The following MAP3K9 variants were observed in gnomAD, a reference collection of about 807,000 sequenced individuals.
MAP3K9 encodes mitogen-activated protein kinase kinase kinase 9.
In MAP3K9, 46 loss-of-function variants were observed where a neutral mutation model predicts 95.8. That is an observed-to-expected ratio of 0.48 (90% CI 0.38 to 0.61). MAP3K9 has a LOEUF of 0.61. MAP3K9 is among the 20% of genes least tolerant of loss of function. The pLI is 0.00. For synonymous variants in MAP3K9, 533 were observed against 593.8 expected, an observed-to-expected ratio of 0.90 and a Z score of 1.49; for missense variants, 1,296 against 1,474.3, an observed-to-expected ratio of 0.88 and a Z score of 1.98.
intron 3 of MAP3K9, among the ~76,000 whole-genome samples, chr14:70,757,016 A>G (rs985927789): frequency 6.6e-5 from 10 of 152,228 alleles, no homozygotes; most frequent in African/African-American, 2.2e-4. Flanking sequence ...TATTTTAAGG[A>G]AAGTTAAACT....
At chr14:70,764,758 G>T (rs970807142) in intron 2 of MAP3K9, among the ~76,000 whole-genome samples, 2 of 152,046 alleles carry the variant, frequency 1.3e-5, no homozygotes, top group East Asian at 3.9e-4. Context: ...CTTGAGCCTG[G>T]GAAGTCAAAG....
chr14:70,744,334 A>G (rs2054117029), intron 5 of MAP3K9, among the ~76,000 whole-genome samples: 1 of 152,142 alleles, frequency 6.6e-6, no homozygotes, highest in African/African-American at 2.4e-5. Context: ...ACTTAAGAGT[A>G]TAATTAAAAA....
chr14:70,749,357 G>A (rs959785215), intron 4 of MAP3K9, among the ~76,000 whole-genome samples: 5 of 152,190 alleles, frequency 3.3e-5, no homozygotes, highest in African/African-American at 1.2e-4. Context: ...GGGGAATTAT[G>A]CCCTGGGCTT....
In MAP3K9 at chr14:70,722,627, A is replaced by C. The variant is rs1204921471; in HGVS notation, c.*7753T>G. 6.6e-6 allele frequency: 1 copy of C among 152,064 alleles called. No individual in the cohort carries two copies. Among genetic ancestry groups the C allele is most frequent in the Non-Finnish European group, 1.5e-5 (1 of 67,986 alleles). 9.4% of individuals were successfully genotyped at this position (152,064 alleles called of 1,614,324 possible). On this transcript the variant is annotated 3_prime_UTR_variant, in exon 12 of 12. Coordinates refer to ENST00000554752, the MANE Select transcript of MAP3K9 (RefSeq NM_001284230.2). ...AATACAATAAGAGGTTTAGCCATTG[A>C]ACCAAGCCTGCTTGGCATCCCTAGT...
intron 2 of MAP3K9, chr14:70,783,301 A>C: frequency 2.1e-6 from 2 of 974,122 alleles, no homozygotes; most frequent in South Asian, 9.5e-5. Flanking sequence ...GTAAATTCAA[A>C]TTAGTCTGAC....
intron 5 of MAP3K9, among the ~76,000 whole-genome samples, chr14:70,747,579 A>C (rs1385116309): frequency 1.3e-5 from 2 of 152,214 alleles, no homozygotes; most frequent in African/African-American, 2.4e-5. Flanking sequence ...CCCACATTCA[A>C]GATTCTGCTT....
chr14:70,780,843 A>G (rs1397616310), intron 2 of MAP3K9, among the ~76,000 whole-genome samples: 3 of 152,252 alleles, frequency 2.0e-5, no homozygotes, highest in Non-Finnish European at 4.4e-5. Context: ...CCAGATAAAA[A>G]TAACCAAAAA....
Position 70,725,915 on chromosome 14 carries a change from G to A in MAP3K9, c.*4465C>T, listed in dbSNP as rs1266364306. 1 of 152,204 alleles carries A rather than the reference G, an allele frequency of 6.6e-6. No individual in the cohort carries two copies. The highest frequency in any genetic ancestry group is 1.9e-4 in the East Asian group (1 of 5,194). The allele number at this position is 152,204 out of a possible 1,614,324, so 9.4% of individuals were successfully genotyped here. A position where few individuals can be genotyped will look rare whatever the true frequency, so the allele number is the denominator to read the frequency against. ...TTTCTGTGCAGGACTCATGGCCCCA[G>A]GACCATACATTTGAAAGTTAGAAGG... On this transcript the variant is annotated 3_prime_UTR_variant, in exon 12 of 12. Transcript: ENST00000554752.
At chr14:70,805,583 TTTTC>T (rs1052432861) in intron 1 of MAP3K9, among the ~76,000 whole-genome samples, 2 of 152,214 alleles carry the variant, frequency 1.3e-5, no homozygotes, top group East Asian at 3.8e-4. Flanking sequence ...TTTTTATATG[TTTTC>T]TTTGTCATAA....
At chr14:70,788,069 A>G (rs1375022199) in intron 2 of MAP3K9, among the ~76,000 whole-genome samples, 1 of 152,228 alleles carries the variant, frequency 6.6e-6, no homozygotes, top group Non-Finnish European at 1.5e-5. Context: ...CTAAGAAGTA[A>G]ACTTAGGGTT....
In MAP3K9 at chr14:70,735,950, A is replaced by G. The variant is rs776678295; in HGVS notation, c.1913+11T>C. 1.6e-5 allele frequency: 25 copies of G among 1,597,634 alleles called. No individual in the cohort carries two copies. In the East Asian group the frequency reaches 5.4e-4, roughly 34 times the overall value. Reference sequence around the variant, plus strand: ...CAGGACAGCTGGTGAAAGGGTGAAGATGAGACTCACCCCAAGTGGAAATGT... The same window carrying G: ...CAGGACAGCTGGTGAAAGGGTGAAGGTGAGACTCACCCCAAGTGGAAATGT... On this transcript the variant is annotated intron_variant, in intron 9 of 11. Coordinates refer to ENST00000554752, the MANE Select transcript of MAP3K9 (RefSeq NM_001284230.2).
chr14:70,795,769 T>TC (rs1439786035), intron 2 of MAP3K9, among the ~76,000 whole-genome samples: 1 of 150,032 alleles, frequency 6.7e-6, no homozygotes, highest in Non-Finnish European at 1.5e-5. Flanking sequence ...TCTTTTTTCT[T>TC]TTTTTTTTTA....
chr14:70,771,344 G>A (rs559414474), intron 2 of MAP3K9, among the ~76,000 whole-genome samples: 1 of 152,224 alleles, frequency 6.6e-6, no homozygotes, highest in South Asian at 2.1e-4. Flanking sequence ...CTTTTCAAAG[G>A]CTTCCGGCTT....
At chr14:70,776,296 A>G (rs972004592) in intron 2 of MAP3K9, among the ~76,000 whole-genome samples, 1 of 152,228 alleles carries the variant, frequency 6.6e-6, no homozygotes, top group Non-Finnish European at 1.5e-5. Context: ...GGCAGGCAGC[A>G]TCTCCCCAGG....
rs757028316 is a variant in MAP3K9, at chr14:70,730,859, A to G, written c.2836T>C (p.Leu946=). ...TCTCGGCTGGGACTGGGGGTTTTCA[A>G]CATTCCTGGTCAAAAAGACAAAAGG... The part of the protein sequence containing the change: ...GLSPSPGAGM[L]KTPSPSRDPG... Residue 946 remains leucine (L), a synonymous_variant, in exon 12 of 12, where the codon TTG becomes CTG. Coordinates refer to ENST00000554752, the MANE Select transcript of MAP3K9 (RefSeq NM_001284230.2). 7.5e-6 allele frequency: 12 copies of G among 1,598,522 alleles called. No homozygotes were observed. The Admixed American group carries it at 2.0e-4, about 27-fold the overall frequency.
At chr14:70,787,035 A>C (rs192296589) in intron 2 of MAP3K9, among the ~76,000 whole-genome samples, 18 of 152,304 alleles carry the variant, frequency 1.2e-4, no homozygotes, top group Non-Finnish European at 2.1e-4. Context: ...GGAGGAGATG[A>C]GGTATATAGA....
Position 70,738,315 on chromosome 14 carries a change from G to A in MAP3K9, c.1774C>T (p.Pro592Ser), listed in dbSNP as rs760936170. 1 of 1,613,866 alleles carries A rather than the reference G, an allele frequency of 6.2e-7. No individual in the cohort carries two copies. Among genetic ancestry groups the A allele is most frequent in the African/African-American group, 1.3e-5 (1 of 74,988 alleles). ...EEGEEEEKRA[P>S]KKKGRTWGPG... ...CCCCACGTCCGTCCCTTCTTCTTTG[G>A]GGCCCTCTTCTCCTCCTCCTCCCCT... The change falls in exon 8 of 12, where the codon CCA (proline) becomes TCA (serine). Residue 592 changes from proline to serine, a missense_variant. Transcript: ENST00000554752.
chr14:70,795,988 C>T (rs2054860452), intron 2 of MAP3K9, among the ~76,000 whole-genome samples: 1 of 151,958 alleles, frequency 6.6e-6, no homozygotes, highest in Admixed American at 6.6e-5. Context: ...CTCCCGACCT[C>T]GGGTGATCCT....
At chr14:70,766,544 T>C (rs1351415973) in intron 2 of MAP3K9, among the ~76,000 whole-genome samples, 1 of 152,240 alleles carries the variant, frequency 6.6e-6, no homozygotes, top group Non-Finnish European at 1.5e-5. Flanking sequence ...TAATGACACC[T>C]ACTCATTATG....
Sources: gnomAD v4.1 joint callset for allele counts (sites outside exome capture counted in the v4.1 genomes callset) on GRCh38, gnomAD v4.1.1 for gene constraint, MANE v1.5 for transcripts, NCBI Gene and HGNC (gene_info 2026-07-23, HGNC 2026-07-21) for gene names.